PNPLA7: variants seen among roughly 807,000 people sequenced by gnomAD.
The protein encoded by PNPLA7 is patatin-like phospholipase domain-containing protein 7.
A neutral mutation model predicts 161.7 loss-of-function variants in PNPLA7; 153 were observed. The ratio of observed to expected loss-of-function variants is 0.95; its 90% CI spans 0.83 to 1.08. PNPLA7 has a LOEUF of 1.08. PNPLA7 is among the 50% of genes least tolerant of loss of function. The probability of loss-of-function intolerance (pLI) is 0.00; values close to 1 mark genes in which losing one functional copy is unlikely to be tolerated. For synonymous variants in PNPLA7, 809 were observed against 782.1 expected, an observed-to-expected ratio of 1.03 and a Z score of -0.57; for missense variants, 1,739 against 1,856.6, an observed-to-expected ratio of 0.94 and a Z score of 1.16.
intron 14 of PNPLA7, among the ~76,000 whole-genome samples, chr9:137,502,685 AGGGGGACGGGGGGGACGC>A (rs1833517337): frequency 0.016 from 7 of 440 alleles, no homozygotes; most frequent in African/African-American, 0.039. Context: ...TCGGGAGATG[AGGGGGACGGGGGGGACGC>A]GGGGGACGCG....
intron 32 of PNPLA7, 136 bp from the exon 33 acceptor site, chr9:137,461,756 C>T (rs1813552833): frequency 8.3e-7 from 1 of 1,206,574 alleles, no homozygotes; most frequent in African/African-American, 1.5e-5. Flanking sequence ...AGGGCAGGGA[C>T]CGGGGAGATG....
rs1479246881 is a variant in PNPLA7, at chr9:137,493,070, G to T, written c.2140C>A (p.Leu714Met). 6.2e-6 allele frequency: 10 copies of T among 1,613,814 alleles called. No individual in the cohort carries two copies. The highest frequency in any genetic ancestry group is 1.3e-5 in the African/African-American group (1 of 74,930). The part of the protein sequence containing the change: ...KRRYPQVVTR[L>M]IHLLGEKILG... ...ATCTTCTCACCCAAGAGATGAATCA[G>T]CCGAGTCACCACCTGCGGGCAGACA... The change falls in exon 20 of 35, where the codon CTG (leucine) becomes ATG (methionine). Residue 714 changes from leucine to methionine, a missense_variant. Physicochemically the swap from Leu to Met is conservative, Grantham distance 15 (BLOSUM62 2). Around this residue, in one of 6 missense-constraint regions of PNPLA7, gnomAD observed 192 missense variants for 249.5 expected, o/e 0.77. Coordinates refer to ENST00000406427, the MANE Select transcript of PNPLA7 (RefSeq NM_001098537.3).
At chr9:137,463,582 G>A in intron 28 of PNPLA7, 51 bp from the exon 29 acceptor site, 1 of 1,398,756 alleles carries the variant, frequency 7.1e-7, no homozygotes, top group Non-Finnish European at 9.9e-7. Flanking sequence ...CTCCTCCTGG[G>A]TCCAGGGTTC....
chr9:137,549,656 G>A lies in PNPLA7; in HGVS notation c.30+512C>T, dbSNP rs565256332. The stretch of plus-strand genomic sequence containing the variant: ...CTAAGAATACAAAAATTAGCCGGGC[G>A]TGGTGCCTGTAGTCCCAGCTACCCG... On this transcript the variant is annotated intron_variant, in intron 1 of 34. Transcript: ENST00000406427. Among the ~76,000 whole-genome samples the A allele has an allele frequency of 1.3e-4, 20 of 151,876 alleles. No individual in the cohort carries two copies. The East Asian group carries it at 2.9e-3, about 22-fold the overall frequency.
chr9:137,491,985 C>T, intron 20 of PNPLA7: 1 of 985,376 alleles, frequency 1.0e-6, no homozygotes, highest in Non-Finnish European at 1.2e-6. Flanking sequence ...TCTGAGGGCT[C>T]CAGGCAGAGA....
intron 8 of PNPLA7, among the ~76,000 whole-genome samples, chr9:137,532,714 T>C (rs563531795): frequency 1.3e-5 from 2 of 152,196 alleles, no homozygotes; most frequent in Admixed American, 1.3e-4. Flanking sequence ...GAGGCTAACA[T>C]GCAGGTGAGA....
At position 137,491,507 on chromosome 9, in the gene PNPLA7, C is replaced by T. The variant is rs142071077; in HGVS notation, c.2197+1506G>A. On this transcript the variant is annotated intron_variant, in intron 20 of 34. Transcript: ENST00000406427. ...AAGTGGAGAGCGAAGAGTCACATTACGTTACGTGTTAGACAGTGTCCCCCA... is the reference window on the plus strand; with the variant it reads ...AAGTGGAGAGCGAAGAGTCACATTATGTTACGTGTTAGACAGTGTCCCCCA... 199 of 982,896 alleles carry T rather than the reference C, an allele frequency of 2.0e-4. 1 individual carries two copies. The East Asian group carries it at 0.016, about 77-fold the overall frequency. 60.9% of individuals were successfully genotyped at this position (982,896 alleles called of 1,614,324 possible). A position where few individuals can be genotyped will look rare whatever the true frequency, so the allele number is the denominator to read the frequency against.
At chr9:137,550,087 G>A in intron 1 of PNPLA7, 81 bp downstream of exon 1, 1 of 1,564,516 alleles carries the variant, frequency 6.4e-7, no homozygotes, top group Admixed American at 1.7e-5. Context: ...CGGCAGAGCA[G>A]ACGCCAAGAG....
At chr9:137,539,822 G>A (rs1206161280) in intron 8 of PNPLA7, among the ~76,000 whole-genome samples, 1 of 151,978 alleles carries the variant, frequency 6.6e-6, no homozygotes, top group African/African-American at 2.4e-5. Context: ...TTTCACTCTC[G>A]CTGCCTAGGC....
At chr9:137,484,871 AGTCCTGAGGCTGCCTGGCCCTCCCGCCTC>A in intron 20 of PNPLA7, 135 bp from the exon 21 acceptor site, 9 of 1,099,702 alleles carry the variant, frequency 8.2e-6, no homozygotes, top group African/African-American at 1.6e-5. Flanking sequence ...CCGCCTCCCC[AGTCCTGAGGCTGCCTGGCCCTCCCGCCTC>A]CCCAGTCCTG....
intron 11 of PNPLA7, among the ~76,000 whole-genome samples, chr9:137,518,427 A>C (rs1403658033): frequency 1.7e-4 from 4 of 22,866 alleles, no homozygotes; most frequent in African/African-American, 7.4e-4. Flanking sequence ...TCCATCCCCC[A>C]CTCACTGACT....
intron 25 of PNPLA7, among the ~76,000 whole-genome samples, chr9:137,474,893 C>T (rs546862857): frequency 1.4e-4 from 21 of 148,870 alleles, no homozygotes; most frequent in African/African-American, 4.2e-4. Context: ...GTGGTGGGGG[C>T]GCCTGTAGTC....
At position 137,522,755 on chromosome 9, in the gene PNPLA7, G is replaced by A. The variant is rs1380236494; in HGVS notation, c.850C>T (p.Pro284Ser). The change falls in exon 9 of 35, where the codon CCG becomes TCG. Residue 284 changes from proline (P) to serine (S), a missense_variant. Pro to Ser is a moderately conservative substitution (Grantham distance 74, BLOSUM62 -1). Coordinates refer to ENST00000406427, the MANE Select transcript of PNPLA7 (RefSeq NM_001098537.3). ...TGCACCACCCTCACCAGAGTTTCCG[G>A]ATATTTCTCAAAAACTCCATGAAAA... ...AAFHGVFEKY[P>S]ETLVRVVQII... 2 of 1,613,582 alleles carry A rather than the reference G, an allele frequency of 1.2e-6. No individual in the cohort carries two copies. The highest frequency in any genetic ancestry group is 1.7e-6 in the Non-Finnish European group (2 of 1,179,934).
intron 8 of PNPLA7, 126 bp from the exon 9 acceptor site, chr9:137,522,983 C>A: frequency 7.3e-7 from 1 of 1,364,460 alleles, no homozygotes; most frequent in Non-Finnish European, 1.0e-6. Context: ...CATTCTCCCT[C>A]CCAGGCTGGG....
In PNPLA7 at chr9:137,491,999, G is replaced by A. The variant is rs1389767147; in HGVS notation, c.2197+1014C>T. ...TTCTGAGGGCTCCAGGCAGAGAGCA[G>A]CAGGCACAGAGGCAGAAGGCAGGAG... On this transcript the variant is annotated intron_variant, in intron 20 of 34. Transcript: ENST00000406427. 9 of 985,334 alleles carry A rather than the reference G, an allele frequency of 9.1e-6. No individual in the cohort carries two copies. In the South Asian group the frequency reaches 3.3e-4, roughly 36 times the overall value. The allele number at this position is 985,334 out of a possible 1,614,324, so 61.0% of individuals were successfully genotyped here. A position where few individuals can be genotyped will look rare whatever the true frequency, so the allele number is the denominator to read the frequency against.
chr9:137,526,397 C>G (rs865990089), intron 8 of PNPLA7, among the ~76,000 whole-genome samples: 10 of 152,352 alleles, frequency 6.6e-5, no homozygotes, highest in African/African-American at 2.2e-4. Context: ...CCTGCCTCAG[C>G]CTCCCAAGTA....
chr9:137,549,681 G>A (rs1022966836), intron 1 of PNPLA7, among the ~76,000 whole-genome samples: 2 of 151,938 alleles, frequency 1.3e-5, no homozygotes, highest in African/African-American at 4.8e-5. Flanking sequence ...CCAGCTACCC[G>A]GGAGGCTGAG....
In PNPLA7 at chr9:137,541,821, G is replaced by A. The variant is rs1012567333; in HGVS notation, c.666+821C>T. Reference sequence around the variant, plus strand: ...TTTTGAGACAGGGTCTCGCTCTGTCGCCCAGGCTGGAGTGCAGTGGCGTGA... The same window carrying A: ...TTTTGAGACAGGGTCTCGCTCTGTCACCCAGGCTGGAGTGCAGTGGCGTGA... On this transcript the variant is annotated intron_variant, in intron 7 of 34. Coordinates refer to ENST00000406427, the MANE Select transcript of PNPLA7 (RefSeq NM_001098537.3). This position sits in a 1 kb window ranked among gnomAD's most constrained non-coding sequence, Gnocchi z 4.4. Among the ~76,000 whole-genome samples the A allele has an allele frequency of 1.3e-5, 2 of 151,576 alleles. No homozygotes were observed. The highest frequency in any genetic ancestry group is 6.6e-5 in the Admixed American group (1 of 15,214).
intron 15 of PNPLA7, 109 bp from the exon 16 acceptor site, chr9:137,501,005 G>A (rs1015387242): frequency 4.2e-5 from 40 of 946,806 alleles, no homozygotes; most frequent in African/African-American, 8.2e-5. Context: ...GAGACCATCC[G>A]CCGACCTGAT....
Sources: allele counts gnomAD v4.1 joint callset (sites outside exome capture counted in the v4.1 genomes callset), GRCh38; gene constraint gnomAD v4.1.1; regional missense constraint gnomAD v4.1.1; non-coding constraint Gnocchi (gnomAD v3.1); transcripts MANE v1.5; gene names NCBI Gene and HGNC (gene_info 2026-07-23, HGNC 2026-07-21).